Variants in SPEM3 observed in about 807,000 individuals in gnomAD.
The protein encoded by SPEM3 is SPEM family member 3.
In SPEM3 at chr17:7,430,623, G is replaced by A. The variant is rs982176511; in HGVS notation, c.1452G>A (p.Glu484=). Residue 484 remains glutamate (E), a synonymous_variant, in exon 3 of 3, where the codon GAG becomes GAA. Transcript: ENST00000636696. The part of the protein sequence containing the change: ...KDLATLFRPQ[E]GQDLVSSGIS... ...TGGCTACCCTCTTCAGGCCCCAAGA[G>A]GGTCAGGACCTGGTGAGTTCTGGCA... 1 of 398,616 alleles carries A rather than the reference G, an allele frequency of 2.5e-6. No homozygotes were observed. The highest frequency in any genetic ancestry group is 4.4e-5 in the Admixed American group (1 of 22,710). 24.7% of individuals were successfully genotyped at this position (398,616 alleles called of 1,614,324 possible).
chr17:7,432,129 C>T lies in SPEM3; in HGVS notation c.2958C>T (p.Asp986=). 2.5e-6 allele frequency: 1 copy of T among 398,688 alleles called. No homozygotes were observed. The highest frequency in any genetic ancestry group is 3.6e-5 in the East Asian group (1 of 28,084). The allele number at this position is 398,688 out of a possible 1,614,324, so 24.7% of individuals were successfully genotyped here. The change falls in exon 3 of 3, where the codon GAC becomes GAT. Residue 986 remains aspartate, a synonymous_variant. Coordinates refer to ENST00000636696, the MANE Select transcript of SPEM3 (RefSeq NM_001364708.1). The surrounding 1 kb of genome is among the most constrained non-coding windows in gnomAD (Gnocchi z 4.1). The part of the protein sequence containing the change: ...GINQDPGPHK[D]PALVQDSGLP... ...ATCAAGATCCTGGCCCCCATAAAGA[C>T]CCAGCCCTTGTCCAAGACTCTGGCC...
Position 7,432,668 on chromosome 17 carries a change from A to G in SPEM3, c.3497A>G (p.Lys1166Arg). 2.5e-6 allele frequency: 1 copy of G among 398,694 alleles called. No individual in the cohort carries two copies. 24.7% of individuals were successfully genotyped at this position (398,694 alleles called of 1,614,324 possible). A position where few individuals can be genotyped will look rare whatever the true frequency, so the allele number is the denominator to read the frequency against. Residue 1166 changes from lysine to arginine, a missense_variant, in exon 3 of 3, where the codon AAG becomes AGG. Physicochemically the swap from Lys to Arg is conservative, Grantham distance 26. Coordinates refer to ENST00000636696, the MANE Select transcript of SPEM3 (RefSeq NM_001364708.1). The surrounding 1 kb of genome is among the most constrained non-coding windows in gnomAD (Gnocchi z 4.1). ...CGTCAGAGACGGTTGGCAGTGGGCA[A>G]GGACAAGTGTGAAGCTCTGTCTCCT... ...DARQRRLAVG[K>R]DKCEALSPRR... is the part of the protein sequence containing the mutation.
In SPEM3 at chr17:7,431,304, C is replaced by T. The variant is rs1256133671; in HGVS notation, c.2133C>T (p.His711=). ...GCCTTACCCAAGATCCAGGCCTCCACGAGAACCCAGGTCTTGCTCCAAATC... is the reference window on the plus strand; with the variant it reads ...GCCTTACCCAAGATCCAGGCCTCCATGAGAACCCAGGTCTTGCTCCAAATC... ...NPGLTQDPGL[H]ENPGLAPNQG... is the part of the protein sequence containing the mutation. Residue 711 remains histidine (H), a synonymous_variant, in exon 3 of 3, where the codon CAC becomes CAT. Transcript: ENST00000636696. 5 of 398,538 alleles carry T rather than the reference C, an allele frequency of 1.3e-5. No individual in the cohort carries two copies. Among genetic ancestry groups the T allele is most frequent in the South Asian group, 1.3e-4 (1 of 7,842 alleles). The allele number at this position is 398,538 out of a possible 1,614,324, so 24.7% of individuals were successfully genotyped here. A position where few individuals can be genotyped will look rare whatever the true frequency, so the allele number is the denominator to read the frequency against.
rs929020329 is a variant in SPEM3, at chr17:7,431,748, C to T, written c.2577C>T (p.Gly859=). The change falls in exon 3 of 3, where the codon GGC becomes GGT. Residue 859 remains glycine, a synonymous_variant. Transcript: ENST00000636696. ...VQDPGVCSTA[G]LTEDSGSQKG... ...ATCCAGGAGTCTGTAGTACCGCAGG[C>T]CTTACTGAAGATTCTGGATCACAGA... 2.5e-6 allele frequency: 1 copy of T among 398,482 alleles called. No individual in the cohort carries two copies. The allele number at this position is 398,482 out of a possible 1,614,324, so 24.7% of individuals were successfully genotyped here.
In SPEM3 at chr17:7,431,595, G is replaced by T. The variant is rs991529745; in HGVS notation, c.2424G>T (p.Arg808Ser). ...SGFTQDSGIYRNLEPNQETVI... is the reference protein window; with the variant it reads ...SGFTQDSGIYSNLEPNQETVI... Reference sequence around the variant, plus strand: ...TTACACAAGACTCTGGAATCTATAGGAATCTTGAACCAAACCAAGAGACTG... The same window carrying T: ...TTACACAAGACTCTGGAATCTATAGTAATCTTGAACCAAACCAAGAGACTG... The change falls in exon 3 of 3, where the codon AGG (arginine) becomes AGT (serine). Residue 808 changes from arginine to serine, a missense_variant. Coordinates refer to ENST00000636696, the MANE Select transcript of SPEM3 (RefSeq NM_001364708.1). 2.3e-5 allele frequency: 9 copies of T among 398,418 alleles called. No homozygotes were observed. The highest frequency in any genetic ancestry group is 4.0e-5 in the Non-Finnish European group (9 of 226,068). 24.7% of individuals were successfully genotyped at this position (398,418 alleles called of 1,614,324 possible).
At position 7,430,179 on chromosome 17, in the gene SPEM3, G is replaced by T; in HGVS notation, c.1008G>T (p.Met336Ile). The change falls in exon 3 of 3, where the codon ATG becomes ATT. Residue 336 changes from methionine (M) to isoleucine (I), a missense_variant. Physicochemically the swap from Met to Ile is conservative, Grantham distance 10. Coordinates refer to ENST00000636696, the MANE Select transcript of SPEM3 (RefSeq NM_001364708.1). ...CCCACTCCCCAGCCCAGGCTCCTAT[G>T]CCTGTCCCAGCCCACCCCCAGGCCC... ...TSAHSPAQAP[M>I]PVPAHPQAHA... 2.4e-6 allele frequency: 1 copy of T among 412,494 alleles called. No individual in the cohort carries two copies. The highest frequency in any genetic ancestry group is 4.3e-6 in the Non-Finnish European group (1 of 234,984). 25.6% of individuals were successfully genotyped at this position (412,494 alleles called of 1,614,324 possible).
In SPEM3 at chr17:7,430,003, G is replaced by A; in HGVS notation, c.832G>A (p.Ala278Thr). The change falls in exon 3 of 3, where the codon GCC becomes ACC. Residue 278 changes from alanine (A) to threonine (T), a missense_variant. Transcript: ENST00000636696. ...AGCCCCTACCCCAGCTCAGACGCCA[G>A]CCCACATCCAAGCTCACACCCCAGC... ...TSAPTPAQTP[A>T]HIQAHTPAPT... 1 of 418,744 alleles carries A rather than the reference G, an allele frequency of 2.4e-6. No homozygotes were observed. 25.9% of individuals were successfully genotyped at this position (418,744 alleles called of 1,614,324 possible). A position where few individuals can be genotyped will look rare whatever the true frequency, so the allele number is the denominator to read the frequency against.
chr17:7,429,570 C>T lies in SPEM3; in HGVS notation c.399C>T (p.Ala133=), dbSNP rs528633785. Residue 133 remains alanine (A), a synonymous_variant, in exon 3 of 3, where the codon GCC becomes GCT. Transcript: ENST00000636696. The surrounding 1 kb of genome is among the most constrained non-coding windows in gnomAD (Gnocchi z 4.9). ...CCCVPPKCGH[A]GVPRESARGL... The stretch of plus-strand genomic sequence containing the variant: ...GCGTGCCCCCTAAATGTGGACATGC[C>T]GGCGTTCCCAGGGAGTCTGCACGGG... The T allele has an allele frequency of 7.3e-5, 29 of 398,610 alleles. No individual in the cohort carries two copies. The South Asian group carries it at 1.4e-3, about 19-fold the overall frequency. The allele number at this position is 398,610 out of a possible 1,614,324, so 24.7% of individuals were successfully genotyped here.
rs1907824369 is a variant in SPEM3, at chr17:7,431,260, G to A, written c.2089G>A (p.Asp697Asn). ...GAATCTGGACCTTGCCCAAAACCCA[G>A]ACCTCTACAAGAACCCAGGCCTTAC... ...PRNLDLAQNP[D>N]LYKNPGLTQD... The change falls in exon 3 of 3, where the codon GAC becomes AAC. Residue 697 changes from aspartate to asparagine, a missense_variant. Asp to Asn is a conservative substitution (Grantham distance 23). Coordinates refer to ENST00000636696, the MANE Select transcript of SPEM3 (RefSeq NM_001364708.1). 1 of 398,350 alleles carries A rather than the reference G, an allele frequency of 2.5e-6. No homozygotes were observed. The highest frequency in any genetic ancestry group is 4.4e-6 in the Non-Finnish European group (1 of 226,116). The allele number at this position is 398,350 out of a possible 1,614,324, so 24.7% of individuals were successfully genotyped here. A position where few individuals can be genotyped will look rare whatever the true frequency, so the allele number is the denominator to read the frequency against.
At position 7,430,675 on chromosome 17, in the gene SPEM3, G is replaced by C. The variant is rs568099478; in HGVS notation, c.1504G>C (p.Gly502Arg). ...ATCTGAGCAAACAAAGCAATGCAGT[G>C]GGGATAGTGCCAAGCTTCCTGCAGG... is the stretch of plus-strand genomic sequence containing the variant. ...GISEQTKQCS[G>R]DSAKLPAGSI... The change falls in exon 3 of 3, where the codon GGG becomes CGG. Residue 502 changes from glycine (G) to arginine (R), a missense_variant. Gly to Arg is a moderately radical substitution (Grantham distance 125). Coordinates refer to ENST00000636696, the MANE Select transcript of SPEM3 (RefSeq NM_001364708.1). 159 of 398,656 alleles carry C rather than the reference G, an allele frequency of 4.0e-4. 2 individuals are homozygous for C. In the East Asian group the frequency reaches 5.1e-3, roughly 13 times the overall value. 24.7% of individuals were successfully genotyped at this position (398,656 alleles called of 1,614,324 possible).
At position 7,431,389 on chromosome 17, in the gene SPEM3, C is replaced by A. The variant is rs192083353; in HGVS notation, c.2218C>A (p.Pro740Thr). The A allele has an allele frequency of 1.6e-4, 63 of 398,496 alleles. No homozygotes were observed. The highest frequency in any genetic ancestry group is 3.5e-4 in the Admixed American group (8 of 22,716). 24.7% of individuals were successfully genotyped at this position (398,496 alleles called of 1,614,324 possible). The stretch of plus-strand genomic sequence containing the variant: ...TTCTTATCTCTGCCAGAATCCAAGC[C>A]CTTCTCAAGACTTTGGTCTTCACAA... ...QDSYLCQNPS[P>T]SQDFGLHKNS... Residue 740 changes from proline (P) to threonine (T), a missense_variant, in exon 3 of 3, where the codon CCT (proline) becomes ACT (threonine). Transcript: ENST00000636696.
chr17:7,431,543 C>T lies in SPEM3; in HGVS notation c.2372C>T (p.Thr791Ile). 1 of 398,608 alleles carries T rather than the reference C, an allele frequency of 2.5e-6. No homozygotes were observed. Among genetic ancestry groups the T allele is most frequent in the Non-Finnish European group, 4.4e-6 (1 of 226,082 alleles). 24.7% of individuals were successfully genotyped at this position (398,608 alleles called of 1,614,324 possible). ...GLHKKTPFTQ[T>I]SDLQRSSGFT... ...CACAAGAAAACACCATTTACCCAAA[C>T]TTCTGATCTTCAGAGGAGCTCAGGC... The change falls in exon 3 of 3, where the codon ACT becomes ATT. Residue 791 changes from threonine (T) to isoleucine (I), a missense_variant. Thr to Ile is a moderately conservative substitution (Grantham distance 89). Transcript: ENST00000636696.
chr17:7,430,629 G>A lies in SPEM3; in HGVS notation c.1458G>A (p.Gln486=), dbSNP rs1198352234. The change falls in exon 3 of 3, where the codon CAG becomes CAA. Residue 486 remains glutamine (Q), a synonymous_variant. Coordinates refer to ENST00000636696, the MANE Select transcript of SPEM3 (RefSeq NM_001364708.1). ...CCCTCTTCAGGCCCCAAGAGGGTCAGGACCTGGTGAGTTCTGGCATATCTG... is the reference window on the plus strand; with the variant it reads ...CCCTCTTCAGGCCCCAAGAGGGTCAAGACCTGGTGAGTTCTGGCATATCTG... ...LATLFRPQEG[Q]DLVSSGISEQ... The A allele has an allele frequency of 5.0e-6, 2 of 398,588 alleles. No homozygotes were observed. Among genetic ancestry groups the A allele is most frequent in the East Asian group, 7.1e-5 (2 of 28,096 alleles). 24.7% of individuals were successfully genotyped at this position (398,588 alleles called of 1,614,324 possible). A position where few individuals can be genotyped will look rare whatever the true frequency, so the allele number is the denominator to read the frequency against.
Position 7,429,916 on chromosome 17 carries a change from A to T in SPEM3, c.745A>T (p.Thr249Ser). ...AHSWTHSKAR[T>S]PEGTHSQAQD... is the part of the protein sequence containing the mutation. Reference sequence around the variant, plus strand: ...CTCCTGGACCCACTCCAAAGCCCGCACCCCTGAGGGCACCCACTCCCAGGC... The same window carrying T: ...CTCCTGGACCCACTCCAAAGCCCGCTCCCCTGAGGGCACCCACTCCCAGGC... Residue 249 changes from threonine (T) to serine (S), a missense_variant, in exon 3 of 3, where the codon ACC (threonine) becomes TCC (serine). Thr to Ser is a moderately conservative substitution (Grantham distance 58). Coordinates refer to ENST00000636696, the MANE Select transcript of SPEM3 (RefSeq NM_001364708.1). The surrounding 1 kb of genome is among the most constrained non-coding windows in gnomAD (Gnocchi z 4.9). The T allele has an allele frequency of 2.4e-6, 1 of 410,060 alleles. No individual in the cohort carries two copies. 25.4% of individuals were successfully genotyped at this position (410,060 alleles called of 1,614,324 possible). A position where few individuals can be genotyped will look rare whatever the true frequency, so the allele number is the denominator to read the frequency against.
chr17:7,429,046 G>T lies in SPEM3; in HGVS notation c.138+6G>T. The stretch of plus-strand genomic sequence containing the variant: ...GGATCAATGTGGTGACTCTGGTCAG[G>T]GCAGGATCTGGGTAGCAGGGTTGGG... On this transcript the variant is annotated splice_donor_region_variant and intron_variant, in intron 1 of 2. Coordinates refer to ENST00000636696, the MANE Select transcript of SPEM3 (RefSeq NM_001364708.1). This position sits in a 1 kb window ranked among gnomAD's most constrained non-coding sequence, Gnocchi z 4.9. The T allele has an allele frequency of 5.0e-6, 2 of 398,952 alleles. No individual in the cohort carries two copies. The highest frequency in any genetic ancestry group is 4.4e-6 in the Non-Finnish European group (1 of 226,232). 24.7% of individuals were successfully genotyped at this position (398,952 alleles called of 1,614,324 possible).
In SPEM3 at chr17:7,431,205, A is replaced by T; in HGVS notation, c.2034A>T (p.Pro678=). The T allele has an allele frequency of 2.5e-6, 1 of 398,586 alleles. No homozygotes were observed. The highest frequency in any genetic ancestry group is 4.4e-6 in the Non-Finnish European group (1 of 226,076). 24.7% of individuals were successfully genotyped at this position (398,586 alleles called of 1,614,324 possible). ...LTQDSGLQRT[P]GPSKDSRVPR... ...AAGATTCTGGCCTTCAAAGGACCCC[A>T]GGCCCTTCAAAAGACTCCAGAGTTC... Residue 678 remains proline (P), a synonymous_variant, in exon 3 of 3, where the codon CCA becomes CCT. Coordinates refer to ENST00000636696, the MANE Select transcript of SPEM3 (RefSeq NM_001364708.1).
Position 7,431,933 on chromosome 17 carries a change from T to C in SPEM3, c.2762T>C (p.Ile921Thr). ...GGAGACTACAAGAATCCAGGACTTA[T>C]CCAAGATTGTGGTGGCCACAAAGTT... Reference protein sequence around the residue: ...NSGDYKNPGLIQDCGGHKVKG... With the variant: ...NSGDYKNPGLTQDCGGHKVKG... The change falls in exon 3 of 3, where the codon ATC (isoleucine) becomes ACC (threonine). Residue 921 changes from isoleucine to threonine, a missense_variant. By Grantham distance (89) the Ile-to-Thr change is moderately conservative (BLOSUM62 -1). Coordinates refer to ENST00000636696, the MANE Select transcript of SPEM3 (RefSeq NM_001364708.1). 2 of 398,494 alleles carry C rather than the reference T, an allele frequency of 5.0e-6. No individual in the cohort carries two copies. Among genetic ancestry groups the C allele is most frequent in the Admixed American group, 4.4e-5 (1 of 22,732 alleles). The allele number at this position is 398,494 out of a possible 1,614,324, so 24.7% of individuals were successfully genotyped here. A position where few individuals can be genotyped will look rare whatever the true frequency, so the allele number is the denominator to read the frequency against.
At position 7,432,337 on chromosome 17, in the gene SPEM3, G is replaced by C; in HGVS notation, c.3166G>C (p.Ala1056Pro). 1 of 398,676 alleles carries C rather than the reference G, an allele frequency of 2.5e-6. No homozygotes were observed. The highest frequency in any genetic ancestry group is 4.4e-6 in the Non-Finnish European group (1 of 226,094). The allele number at this position is 398,676 out of a possible 1,614,324, so 24.7% of individuals were successfully genotyped here. A position where few individuals can be genotyped will look rare whatever the true frequency, so the allele number is the denominator to read the frequency against. The change falls in exon 3 of 3, where the codon GCT becomes CCT. Residue 1056 changes from alanine to proline, a missense_variant. Physicochemically the swap from Ala to Pro is conservative, Grantham distance 27. Coordinates refer to ENST00000636696, the MANE Select transcript of SPEM3 (RefSeq NM_001364708.1). This position sits in a 1 kb window ranked among gnomAD's most constrained non-coding sequence, Gnocchi z 4.1. ...SLMKSSVPEK[A>P]AQKEDAQRHV... ...GATGAAGTCATCTGTGCCTGAGAAG[G>C]CTGCTCAGAAGGAGGACGCACAGCG...
Position 7,431,388 on chromosome 17 carries a change from C to A in SPEM3, c.2217C>A (p.Ser739Arg). 1 of 398,502 alleles carries A rather than the reference C, an allele frequency of 2.5e-6. No individual in the cohort carries two copies. 24.7% of individuals were successfully genotyped at this position (398,502 alleles called of 1,614,324 possible). A position where few individuals can be genotyped will look rare whatever the true frequency, so the allele number is the denominator to read the frequency against. The change falls in exon 3 of 3, where the codon AGC becomes AGA. Residue 739 changes from serine to arginine, a missense_variant. By Grantham distance (110) the Ser-to-Arg change is moderately radical. Transcript: ENST00000636696. ...PQDSYLCQNP[S>R]PSQDFGLHKN... ...ATTCTTATCTCTGCCAGAATCCAAG[C>A]CCTTCTCAAGACTTTGGTCTTCACA... is the stretch of plus-strand genomic sequence containing the variant.
Sources: gnomAD v4.1 joint callset for allele counts on GRCh38, gnomAD v4.1.1 for gene constraint, Gnocchi (gnomAD v3.1) non-coding constraint, MANE v1.5 for transcripts, NCBI Gene and HGNC (gene_info 2026-07-23, HGNC 2026-07-21) for gene names.